Variants in CLSTN1 observed in about 807,000 individuals in gnomAD.
CLSTN1 encodes the protein calsyntenin 1.
Under a neutral mutation model 108.3 loss-of-function variants are expected in CLSTN1, and 28 were observed. That is an observed-to-expected ratio of 0.26 (90% CI 0.19 to 0.35). CLSTN1 has a LOEUF of 0.35. Ranked by LOEUF, CLSTN1 falls within the 10% of genes least tolerant of loss-of-function variation. The probability of loss-of-function intolerance (pLI) is 1.00; values close to 1 mark genes in which losing one functional copy is unlikely to be tolerated. For synonymous variants in CLSTN1, 524 were observed against 534.9 expected, an observed-to-expected ratio of 0.98 and a Z score of 0.28; for missense variants, 1,157 against 1,302.6, an observed-to-expected ratio of 0.89 and a Z score of 1.72.
At chr1:9,786,272 C>T (rs779504490) in intron 1 of CLSTN1, among the ~76,000 whole-genome samples, 4 of 152,186 alleles carry the variant, frequency 2.6e-5, no homozygotes, top group Non-Finnish European at 5.9e-5. Flanking sequence ...TACAGTGAAA[C>T]TTTCCCTGCA....
intron 16 of CLSTN1, among the ~76,000 whole-genome samples, chr1:9,732,676 G>A (rs1650469695): frequency 6.6e-6 from 1 of 152,370 alleles, no homozygotes; most frequent in Non-Finnish European, 1.5e-5. Flanking sequence ...AGCAGCTGCT[G>A]GATAGGTCTG....
chr1:9,793,384 C>A (rs967639579), intron 1 of CLSTN1, among the ~76,000 whole-genome samples: 1 of 151,474 alleles, frequency 6.6e-6, no homozygotes, highest in Non-Finnish European at 1.5e-5. Flanking sequence ...CATCCATCCA[C>A]GGCAGCTGTG....
rs1650671931 is a variant in CLSTN1, at chr1:9,736,048, G to T, written c.1577-6C>A. The stretch of plus-strand genomic sequence containing the variant: ...GGTCATGTGCAGGTCGCCACCTTTG[G>T]GTCAGGGGAGAAAAGGCGAAGTCAG... On this transcript the variant is annotated splice_region_variant and splice_polypyrimidine_tract_variant and intron_variant, in intron 11 of 18. Coordinates refer to ENST00000377298, the MANE Select transcript of CLSTN1 (RefSeq NM_001009566.3). 3 of 1,613,998 alleles carry T rather than the reference G, an allele frequency of 1.9e-6. No individual in the cohort carries two copies. Among genetic ancestry groups the T allele is most frequent in the Admixed American group, 1.7e-5 (1 of 59,998 alleles).
Position 9,808,829 on chromosome 1 carries a change from T to C in CLSTN1, c.91+14814A>G, listed in dbSNP as rs1570519655. On this transcript the variant is annotated intron_variant, in intron 1 of 18. Coordinates refer to ENST00000377298, the MANE Select transcript of CLSTN1 (RefSeq NM_001009566.3). ...GCACCAGCTTGCCCCAGCTTACCTGTCTGTACTTGGGTTTCCAAACGATAA... is the reference window on the plus strand; with the variant it reads ...GCACCAGCTTGCCCCAGCTTACCTGCCTGTACTTGGGTTTCCAAACGATAA... 1.3e-5 allele frequency among the ~76,000 whole-genome samples: 2 copies of C among 152,014 alleles called. 1 individual carries two copies. Among genetic ancestry groups the C allele is most frequent in the East Asian group, 3.8e-4 (2 of 5,198 alleles).
At chr1:9,749,684 GAA>G (rs759269424) in intron 6 of CLSTN1, 38 bp from the exon 7 acceptor site, 1 of 1,611,184 alleles carries the variant, frequency 6.2e-7, no homozygotes, top group South Asian at 1.1e-5. Flanking sequence ...AAGAGAGAAG[GAA>G]AACACACACT....
At chr1:9,811,745 A>T (rs1478205643) in intron 1 of CLSTN1, among the ~76,000 whole-genome samples, 2 of 152,132 alleles carry the variant, frequency 1.3e-5, no homozygotes, top group Non-Finnish European at 2.9e-5. Context: ...AAAAAAAAAA[A>T]AAAGAGTAGG....
chr1:9,731,439 C>T, intron 17 of CLSTN1, 49 bp from the exon 18 acceptor site: 2 of 1,586,912 alleles, frequency 1.3e-6, no homozygotes, highest in Non-Finnish European at 8.6e-7. Context: ...GCCCAGAAGG[C>T]CACTGTGCCC....
At chr1:9,775,164 C>T (rs1652875766) in intron 1 of CLSTN1, among the ~76,000 whole-genome samples, 1 of 152,122 alleles carries the variant, frequency 6.6e-6, no homozygotes, top group South Asian at 2.1e-4. Context: ...GTGTCTTGTA[C>T]TGACCTCCTA....
At chr1:9,749,719 A>G (rs772068164) in intron 6 of CLSTN1, 45 bp downstream of exon 6, 6 of 1,611,478 alleles carry the variant, frequency 3.7e-6, no homozygotes, top group African/African-American at 1.3e-5. Flanking sequence ...CGCATACATC[A>G]GTTTTAAGAG....
At chr1:9,767,822 GA>G (rs1433061593) in intron 2 of CLSTN1, among the ~76,000 whole-genome samples, 2 of 152,084 alleles carry the variant, frequency 1.3e-5, no homozygotes, top group East Asian at 3.8e-4. Flanking sequence ...GTAGAAAGAT[GA>G]AAAAATATTT....
intron 1 of CLSTN1, among the ~76,000 whole-genome samples, chr1:9,789,698 G>A (rs958637535): frequency 1.3e-5 from 2 of 151,606 alleles, no homozygotes; most frequent in East Asian, 2.0e-4. Context: ...AATAAAATAA[G>A]CTGGGAGAGG....
chr1:9,815,156 C>A (rs1398482336), intron 1 of CLSTN1, among the ~76,000 whole-genome samples: 1 of 152,154 alleles, frequency 6.6e-6, no homozygotes, highest in Non-Finnish European at 1.5e-5. Flanking sequence ...GTGGTAAAAA[C>A]AACAGACTGT....
At chr1:9,755,374 T>G (rs1651761726) in intron 3 of CLSTN1, 65 bp from the exon 4 acceptor site, 34 of 1,288,406 alleles carry the variant, frequency 2.6e-5, no homozygotes, top group Non-Finnish European at 3.0e-5. Flanking sequence ...CTTGCCCTCC[T>G]CCCCCCATCT....
intron 2 of CLSTN1, 118 bp from the exon 3 acceptor site, chr1:9,756,628 C>A: frequency 1.3e-6 from 1 of 770,710 alleles, no homozygotes; most frequent in Non-Finnish European, 2.2e-6. Flanking sequence ...GCTCAGCGAC[C>A]GGCTTCTACG....
chr1:9,820,422 G>A (rs1028310656), intron 1 of CLSTN1, among the ~76,000 whole-genome samples: 1 of 152,082 alleles, frequency 6.6e-6, no homozygotes, highest in Non-Finnish European at 1.5e-5. Flanking sequence ...GTGAGGCTGA[G>A]GCAGAAGAAT....
At chr1:9,817,974 A>G (rs938929772) in intron 1 of CLSTN1, among the ~76,000 whole-genome samples, 5 of 149,798 alleles carry the variant, frequency 3.3e-5, no homozygotes, top group African/African-American at 1.2e-4. Context: ...TAGCCTCAAA[A>G]TGTCACTTTT....
At chr1:9,736,767 T>C (rs552101172) in intron 11 of CLSTN1, among the ~76,000 whole-genome samples, 20 of 152,276 alleles carry the variant, frequency 1.3e-4, no homozygotes, top group Non-Finnish European at 2.6e-4. Flanking sequence ...TGACTAGGAA[T>C]TGAGGTTTCT....
chr1:9,754,545 C>T (rs1484173074), intron 4 of CLSTN1, among the ~76,000 whole-genome samples: 3 of 151,192 alleles, frequency 2.0e-5, no homozygotes, highest in Non-Finnish European at 4.4e-5. Flanking sequence ...GGTGAAACAG[C>T]GAAACTCCAT....
At chr1:9,753,839 G>T (rs965040979) in intron 4 of CLSTN1, among the ~76,000 whole-genome samples, 2 of 151,252 alleles carry the variant, frequency 1.3e-5, no homozygotes, top group Non-Finnish European at 2.9e-5. Flanking sequence ...TAGGGACAGG[G>T]TCTCATTCTG....
Sources: allele counts gnomAD v4.1 joint callset (sites outside exome capture counted in the v4.1 genomes callset), GRCh38; gene constraint gnomAD v4.1.1; transcripts MANE v1.5; gene names NCBI Gene and HGNC (gene_info 2026-07-23, HGNC 2026-07-21).